UTRN: variants seen among roughly 807,000 people sequenced by gnomAD.
The protein encoded by UTRN is dystrophin-related protein 1.
Under a neutral mutation model 463.9 loss-of-function variants are expected in UTRN, and 283 were observed. The ratio of observed to expected loss-of-function variants is 0.61; its 90% CI spans 0.55 to 0.67. The LOEUF is 0.67. Among genes scored for constraint, UTRN ranks in the 30% least tolerant of loss-of-function variants. The pLI, the probability that UTRN is intolerant of heterozygous loss-of-function variation, is 0.00. For missense variants in UTRN, 3,922 were observed against 4,084.3 expected (o/e 0.96, Z 1.08); for synonymous variants, 1,442 against 1,431.5 (o/e 1.01, Z -0.17).
intron 51 of UTRN, among the ~76,000 whole-genome samples, chr6:144,654,098 TTGTAAG>T (rs1248564631): frequency 5.9e-5 from 9 of 152,140 alleles, no homozygotes; most frequent in African/African-American, 2.2e-4. Flanking sequence ...GAAACCATAG[TTGTAAG>T]TGTGAGTGGT....
chr6:144,288,508 T>C (rs1483538484), intron 1 of UTRN, among the ~76,000 whole-genome samples: 1 of 150,992 alleles, frequency 6.6e-6, no homozygotes, highest in African/African-American at 2.5e-5. Context: ...CAAACTTAAT[T>C]TTCCATGATA....
intron 51 of UTRN, among the ~76,000 whole-genome samples, chr6:144,677,689 C>G (rs530360720): frequency 6.6e-6 from 1 of 152,306 alleles, no homozygotes; most frequent in Non-Finnish European, 1.5e-5. Context: ...GGAATCGCCA[C>G]ACTGTCTTCC....
In UTRN at chr6:144,577,245, T is replaced by A; in HGVS notation, c.7436T>A (p.Leu2479His). 6.2e-7 allele frequency: 1 copy of A among 1,613,920 alleles called. No individual in the cohort carries two copies. The highest frequency in any genetic ancestry group is 2.2e-5 in the East Asian group (1 of 44,850). The change falls in exon 51 of 75, where the codon CTT (leucine) becomes CAT (histidine). Residue 2479 changes from leucine (L) to histidine (H), a missense_variant. Transcript: ENST00000367545. ...LVDASHRENA[L>H]QDSILARELK... ...GATGCCTCTCATCGGGAGAATGCTC[T>A]TCAGGATAGTATCTTGGCCAGGGAA...
intron 30 of UTRN, 76 bp downstream of exon 30, chr6:144,488,910 C>T (rs1046129348): frequency 2.2e-6 from 3 of 1,339,882 alleles, no homozygotes; most frequent in Middle Eastern, 2.5e-4. Flanking sequence ...TAAGAGAACC[C>T]CTCCTGCTCT....
At chr6:144,836,064 G>A in intron 70 of UTRN, 126 bp downstream of exon 70, 3 of 1,459,820 alleles carry the variant, frequency 2.1e-6, no homozygotes, top group Non-Finnish European at 1.8e-6. Context: ...AAATTTTAGA[G>A]GCTATTAACA....
At chr6:144,432,615 A>C (rs1249607175) in intron 9 of UTRN, among the ~76,000 whole-genome samples, 1 of 152,134 alleles carries the variant, frequency 6.6e-6, no homozygotes, top group African/African-American at 2.4e-5. Flanking sequence ...CAGGTATTCC[A>C]GTTCAGAAGA....
intron 20 of UTRN, 71 bp from the exon 21 acceptor site, chr6:144,459,103 C>G: frequency 6.4e-7 from 1 of 1,573,538 alleles, no homozygotes; most frequent in Non-Finnish European, 8.6e-7. Context: ...TAAGTTAATG[C>G]TGCCCTGATT....
At chr6:144,485,627 A>T (rs2128576207) in intron 28 of UTRN, 108 bp downstream of exon 28, 1 of 1,493,870 alleles carries the variant, frequency 6.7e-7, no homozygotes. Context: ...TTGCTTCCTC[A>T]GTGGTTTTCA....
intron 58 of UTRN, among the ~76,000 whole-genome samples, chr6:144,765,646 A>T (rs1023575907): frequency 2.0e-5 from 3 of 152,176 alleles, no homozygotes; most frequent in Admixed American, 1.3e-4. Flanking sequence ...CCTGACCTGA[A>T]GCAGTCCTCC....
At chr6:144,692,943 C>T (rs1783585951) in intron 52 of UTRN, among the ~76,000 whole-genome samples, 1 of 151,022 alleles carries the variant, frequency 6.6e-6, no homozygotes, top group Non-Finnish European at 1.5e-5. Flanking sequence ...TTGGTGTCTT[C>T]ATCATGAAAT....
intron 39 of UTRN, among the ~76,000 whole-genome samples, chr6:144,517,368 C>T (rs1401477171): frequency 5.6e-5 from 8 of 143,010 alleles, no homozygotes; most frequent in African/African-American, 2.0e-4. Flanking sequence ...TTATATTTTT[C>T]TTTTTTTTTT....
At chr6:144,403,070 T>C in intron 2 of UTRN, 53 bp from the exon 3 acceptor site, 5 of 1,522,246 alleles carry the variant, frequency 3.3e-6, no homozygotes, top group Non-Finnish European at 4.5e-6. Flanking sequence ...GGTGCTTTAC[T>C]AAAGGTACAG....
At position 144,771,887 on chromosome 6, in the gene UTRN, A is replaced by G; in HGVS notation, c.8496-20A>G. On this transcript the variant is annotated intron_variant, in intron 58 of 74. Coordinates refer to ENST00000367545, the MANE Select transcript of UTRN (RefSeq NM_007124.3). ...TTTTGATTTTTTGTTTATTTTTAAA[A>G]TTTTACCTTTTTTTTCCAGCCATCA... The G allele has an allele frequency of 6.4e-7, 1 of 1,573,964 alleles. No homozygotes were observed. Among genetic ancestry groups the G allele is most frequent in the Non-Finnish European group, 8.6e-7 (1 of 1,166,716 alleles).
intron 51 of UTRN, among the ~76,000 whole-genome samples, chr6:144,631,390 A>G (rs964057792): frequency 2.0e-4 from 30 of 152,194 alleles, no homozygotes; most frequent in African/African-American, 7.2e-4. Flanking sequence ...TGTATAGCTT[A>G]TATTCCAAAT....
intron 41 of UTRN, among the ~76,000 whole-genome samples, chr6:144,527,868 A>AT (rs1393416375): frequency 6.6e-6 from 1 of 151,308 alleles, no homozygotes; most frequent in Non-Finnish European, 1.5e-5. Flanking sequence ...TTCACTCGAG[A>AT]TTTTTTCCTT....
intron 32 of UTRN, 85 bp downstream of exon 32, chr6:144,491,187 C>A: frequency 7.8e-7 from 1 of 1,289,400 alleles, no homozygotes; most frequent in Non-Finnish European, 1.1e-6. Flanking sequence ...CCTAGTGTGT[C>A]CAGTGATCAC....
At chr6:144,764,174 C>A (rs557509254) in intron 58 of UTRN, among the ~76,000 whole-genome samples, 1 of 152,052 alleles carries the variant, frequency 6.6e-6, no homozygotes, top group Non-Finnish European at 1.5e-5. Context: ...AATGTAAGTA[C>A]CTTAGGATCA....
chr6:144,836,737 G>A lies in UTRN; in HGVS notation c.10065+196G>A, dbSNP rs184153826. On this transcript the variant is annotated intron_variant, in intron 71 of 74. Coordinates refer to ENST00000367545, the MANE Select transcript of UTRN (RefSeq NM_007124.3). ...CTCATTGGCACACAAAAATGTGTTTGCCCAGCTTACAATGGAATTTCCCAG... is the reference window on the plus strand; with the variant it reads ...CTCATTGGCACACAAAAATGTGTTTACCCAGCTTACAATGGAATTTCCCAG... 667 of 817,224 alleles carry A rather than the reference G, an allele frequency of 8.2e-4. 1 individual carries two copies. In the African/African-American group the frequency reaches 0.011, roughly 13 times the overall value. 50.6% of individuals were successfully genotyped at this position (817,224 alleles called of 1,614,324 possible). A position where few individuals can be genotyped will look rare whatever the true frequency, so the allele number is the denominator to read the frequency against.
At chr6:144,717,641 T>C (rs1459012113) in intron 53 of UTRN, among the ~76,000 whole-genome samples, 2 of 141,792 alleles carry the variant, frequency 1.4e-5, no homozygotes, top group Non-Finnish European at 3.0e-5. Context: ...TTTCTTTTTT[T>C]TTTTTTTTTT....
Sources: allele counts gnomAD v4.1 joint callset (sites outside exome capture counted in the v4.1 genomes callset), GRCh38; gene constraint gnomAD v4.1.1; transcripts MANE v1.5; gene names NCBI Gene and HGNC (gene_info 2026-07-23, HGNC 2026-07-21).